The following SHROOM3 variants were observed in gnomAD, a reference collection of about 807,000 sequenced individuals.
SHROOM3 encodes shroom family member 3.
SHROOM3 carries 47 observed loss-of-function variants against 138.6 expected under a neutral mutation model. The ratio of observed to expected loss-of-function variants is 0.34; its 90% CI spans 0.27 to 0.43. The LOEUF is 0.43. Ranked by LOEUF, SHROOM3 falls within the 20% of genes least tolerant of loss-of-function variation. SHROOM3 has a pLI of 1.00. For synonymous variants in SHROOM3, 1,062 were observed against 1,063.3 expected, an observed-to-expected ratio of 1.00 and a Z score of 0.02; for missense variants, 2,491 against 2,596.5, an observed-to-expected ratio of 0.96 and a Z score of 0.88.
At chr4:76,460,942 A>G (rs1189979235) in intron 1 of SHROOM3, among the ~76,000 whole-genome samples, 1 of 151,574 alleles carries the variant, frequency 6.6e-6, no homozygotes, top group Non-Finnish European at 1.5e-5. Flanking sequence ...GTAGTGAGCC[A>G]TAATCACACC....
At chr4:76,750,831 C>A (rs575636327) in intron 6 of SHROOM3, among the ~76,000 whole-genome samples, 1 of 151,640 alleles carries the variant, frequency 6.6e-6, no homozygotes, top group African/African-American at 2.4e-5. Flanking sequence ...AAAAAACTTT[C>A]TGAGCTGTAA....
chr4:76,465,429 A>G (rs955838988), intron 1 of SHROOM3, among the ~76,000 whole-genome samples: 1 of 152,196 alleles, frequency 6.6e-6, no homozygotes, highest in Non-Finnish European at 1.5e-5. Context: ...TATGAAAGCC[A>G]TGCCATTCTG....
intron 2 of SHROOM3, among the ~76,000 whole-genome samples, chr4:76,616,371 G>A (rs1046698180): frequency 6.6e-6 from 1 of 152,094 alleles, no homozygotes; most frequent in Admixed American, 6.6e-5. Flanking sequence ...GTTCATAGCA[G>A]CATTATTCAC....
At chr4:76,686,899 G>A (rs1262410624) in intron 2 of SHROOM3, among the ~76,000 whole-genome samples, 1 of 152,156 alleles carries the variant, frequency 6.6e-6, no homozygotes, top group Non-Finnish European at 1.5e-5. Flanking sequence ...TTTGACTCAG[G>A]ACCACCTGCG....
intron 2 of SHROOM3, among the ~76,000 whole-genome samples, chr4:76,556,632 G>A (rs1733489674): frequency 6.6e-6 from 1 of 152,216 alleles, no homozygotes; most frequent in African/African-American, 2.4e-5. Flanking sequence ...TTCTTCCTTA[G>A]ATTTCAGCTG....
intron 1 of SHROOM3, among the ~76,000 whole-genome samples, chr4:76,460,769 T>C (rs571810189): frequency 7.0e-6 from 1 of 142,606 alleles, no homozygotes; most frequent in Admixed American, 7.9e-5. Flanking sequence ...GGCTGGTGGA[T>C]AGTTTTAAGT....
At chr4:76,689,554 G>A in intron 2 of SHROOM3, 2 of 984,388 alleles carry the variant, frequency 2.0e-6, no homozygotes, top group Non-Finnish European at 2.4e-6. Flanking sequence ...GTGGCGCAGG[G>A]CGCTGCTGGG....
Position 76,759,689 on chromosome 4 carries a change from A to C in SHROOM3, c.5343A>C (p.Glu1781Asp). Residue 1781 changes from glutamate (E) to aspartate (D), a missense_variant, in exon 9 of 11, where the codon GAA becomes GAC. Physicochemically the swap from Glu to Asp is conservative, Grantham distance 45. Transcript: ENST00000296043. ...NEEEEQADVNEKKAELIGSLT... is the reference protein window; with the variant it reads ...NEEEEQADVNDKKAELIGSLT... ...AAGAGGAACAGGCAGATGTCAATGA[A>C]AAGAAGGTAAATAAAGAATGGGATG... 6.2e-7 allele frequency: 1 copy of C among 1,613,848 alleles called. No individual in the cohort carries two copies.
intron 2 of SHROOM3, among the ~76,000 whole-genome samples, chr4:76,674,282 TAA>T (rs1718964165): frequency 6.6e-6 from 1 of 152,224 alleles, no homozygotes; most frequent in Non-Finnish European, 1.5e-5. Context: ...ATTTTTAATA[TAA>T]GAGATACCTG....
chr4:76,475,509 T>G (rs1366961218), intron 1 of SHROOM3, among the ~76,000 whole-genome samples: 2 of 152,230 alleles, frequency 1.3e-5, no homozygotes, highest in African/African-American at 4.8e-5. Flanking sequence ...TGATTTCAAC[T>G]TTAGTTAGTG....
intron 2 of SHROOM3, among the ~76,000 whole-genome samples, chr4:76,580,446 CTTTTT>C (rs869200924): frequency 2.2e-4 from 19 of 88,090 alleles, no homozygotes; most frequent in South Asian, 1.7e-3. Context: ...TGGGCAAGTT[CTTTTT>C]TTTTTTTTTT....
At chr4:76,658,093 G>A (rs1736104380) in intron 2 of SHROOM3, among the ~76,000 whole-genome samples, 1 of 152,182 alleles carries the variant, frequency 6.6e-6, no homozygotes. Flanking sequence ...GCTCTTCCAT[G>A]CATTTTATAA....
At chr4:76,649,939 T>G (rs1245506967) in intron 2 of SHROOM3, among the ~76,000 whole-genome samples, 1 of 152,212 alleles carries the variant, frequency 6.6e-6, no homozygotes, top group African/African-American at 2.4e-5. Context: ...CTGGTGGCTG[T>G]AAAGTCCAAG....
At chr4:76,773,193 GGCA>G (rs1185440494) in intron 10 of SHROOM3, among the ~76,000 whole-genome samples, 7 of 152,002 alleles carry the variant, frequency 4.6e-5, no homozygotes, top group African/African-American at 9.7e-5. Context: ...TGGCCAACAT[GGCA>G]AAACCTCCTC....
At chr4:76,676,835 C>T (rs377745075) in intron 2 of SHROOM3, among the ~76,000 whole-genome samples, 6 of 149,042 alleles carry the variant, frequency 4.0e-5, no homozygotes, top group African/African-American at 1.5e-4. Flanking sequence ...CCCAGCTACT[C>T]GGGAGGCTGA....
chr4:76,683,777 A>T (rs1324040179), intron 2 of SHROOM3, among the ~76,000 whole-genome samples: 1 of 152,222 alleles, frequency 6.6e-6, no homozygotes, highest in Non-Finnish European at 1.5e-5. Flanking sequence ...AGAACCCAGG[A>T]TGCTTTTTAA....
At chr4:76,540,037 A>G (rs1733066277) in intron 1 of SHROOM3, among the ~76,000 whole-genome samples, 1 of 152,172 alleles carries the variant, frequency 6.6e-6, no homozygotes, top group South Asian at 2.1e-4. Flanking sequence ...TAGCTGAGAC[A>G]GGGTTTCGCC....
chr4:76,566,755 T>C (rs1484165946), intron 2 of SHROOM3, among the ~76,000 whole-genome samples: 1 of 152,200 alleles, frequency 6.6e-6, no homozygotes, highest in East Asian at 1.9e-4. Flanking sequence ...CCATCTGACT[T>C]GAGATGAACT....
At chr4:76,622,318 T>C (rs748272433) in intron 2 of SHROOM3, among the ~76,000 whole-genome samples, 3 of 152,078 alleles carry the variant, frequency 2.0e-5, no homozygotes, top group Non-Finnish European at 4.4e-5. Context: ...CCATAGCACT[T>C]GTATTCACTC....
Sources: gnomAD v4.1 joint callset for allele counts (sites outside exome capture counted in the v4.1 genomes callset) on GRCh38, gnomAD v4.1.1 for gene constraint, MANE v1.5 for transcripts, NCBI Gene and HGNC (gene_info 2026-07-23, HGNC 2026-07-21) for gene names.